The following FILIP1 variants were observed in gnomAD, a reference collection of about 807,000 sequenced individuals.
FILIP1 encodes filamin A interacting protein 1, also known as filamin-A-interacting protein 1.
In FILIP1, 61 loss-of-function variants were observed where a neutral mutation model predicts 102.1. That is an observed-to-expected ratio of 0.60 (90% CI 0.49 to 0.74). The LOEUF is 0.74. Ranked by LOEUF, FILIP1 falls within the 30% of genes least tolerant of loss-of-function variation. FILIP1 has a pLI of 0.00. For synonymous variants in FILIP1, 491 were observed against 526.9 expected, an observed-to-expected ratio of 0.93 and a Z score of 0.93; for missense variants, 1,314 against 1,441.2, an observed-to-expected ratio of 0.91 and a Z score of 1.43.
At chr6:75,353,498 A>G (rs761276068) in intron 4 of FILIP1, 41 bp downstream of exon 4, 1 of 1,607,934 alleles carries the variant, frequency 6.2e-7, no homozygotes, top group Non-Finnish European at 8.5e-7. Flanking sequence ...TGAAAGGGCT[A>G]TGGGCATCCA....
At position 75,353,690 on chromosome 6, in the gene FILIP1, C is replaced by T. The variant is rs1774891165; in HGVS notation, c.478G>A (p.Glu160Lys). Residue 160 changes from glutamate (E) to lysine (K), a missense_variant, in exon 4 of 6, where the codon GAA becomes AAA. Around this residue, in one of 3 missense-constraint regions of FILIP1, gnomAD observed 494 missense variants for 511.2 expected, o/e 0.97. Coordinates refer to ENST00000237172, the MANE Select transcript of FILIP1 (RefSeq NM_015687.5). ...ELDRLEEKQK[E>K]TYRRMLEQLL... ...TGCTCTAGCATGCGCCGGTAGGTTTCTTTCTGTTTTTCCTCAAGTCTGTCC... is the reference window on the plus strand; with the variant it reads ...TGCTCTAGCATGCGCCGGTAGGTTTTTTTCTGTTTTTCCTCAAGTCTGTCC... The T allele has an allele frequency of 6.2e-7, 1 of 1,613,864 alleles. No homozygotes were observed. Among genetic ancestry groups the T allele is most frequent in the Non-Finnish European group, 8.5e-7 (1 of 1,180,024 alleles).
chr6:75,297,248 T>G (rs887848573), intron 6 of FILIP1, among the ~76,000 whole-genome samples: 4 of 152,234 alleles, frequency 2.6e-5, no homozygotes, highest in African/African-American at 9.6e-5. Flanking sequence ...GTAGTTAGTA[T>G]ATAAGTAAAC....
At chr6:75,488,399 C>A (rs1005006149) in intron 1 of FILIP1, among the ~76,000 whole-genome samples, 1 of 151,630 alleles carries the variant, frequency 6.6e-6, no homozygotes, top group East Asian at 1.9e-4. Context: ...TGCCTGTAGC[C>A]TTTTCCCTTC....
intron 3 of FILIP1, 115 bp downstream of exon 3, chr6:75,362,629 G>A: frequency 1.2e-6 from 1 of 835,804 alleles, no homozygotes; most frequent in Non-Finnish European, 1.9e-6. Context: ...TTGTATATTA[G>A]TGTATCATCA....
chr6:75,308,999 AC>A, intron 5 of FILIP1, 102 bp from the exon 6 acceptor site: 1 of 1,257,456 alleles, frequency 8.0e-7, no homozygotes, highest in Non-Finnish European at 1.1e-6. Context: ...ACACAGGAAC[AC>A]CCACAGAAGA....
At chr6:75,299,834 T>G (rs747819003) in intron 6 of FILIP1, among the ~76,000 whole-genome samples, 3 of 152,208 alleles carry the variant, frequency 2.0e-5, no homozygotes, top group African/African-American at 4.8e-5. Context: ...CTGACCTTAC[T>G]AAATATTCAT....
intron 1 of FILIP1, among the ~76,000 whole-genome samples, chr6:75,437,163 C>T (rs1778054468): frequency 6.6e-6 from 1 of 152,200 alleles, no homozygotes; most frequent in African/African-American, 2.4e-5. Flanking sequence ...TTGCTGTGCC[C>T]GATAAGGATA....
intron 2 of FILIP1, among the ~76,000 whole-genome samples, chr6:75,371,633 A>G (rs1230847648): frequency 1.3e-5 from 2 of 152,204 alleles, no homozygotes; most frequent in Non-Finnish European, 1.5e-5. Flanking sequence ...ACATACGATC[A>G]ATGGAATGGA....
chr6:75,460,176 G>A (rs1048581292), intron 1 of FILIP1, among the ~76,000 whole-genome samples: 8 of 152,094 alleles, frequency 5.3e-5, no homozygotes, highest in African/African-American at 1.2e-4. Flanking sequence ...AATTTAGTGC[G>A]GTCTCCACAA....
chr6:75,423,788 T>G (rs1291459442), intron 1 of FILIP1, among the ~76,000 whole-genome samples: 1 of 152,094 alleles, frequency 6.6e-6, no homozygotes, highest in Non-Finnish European at 1.5e-5. Context: ...TTGACAACTT[T>G]TTGCTGGGAA....
chr6:75,488,728 C>T (rs1402240251), intron 1 of FILIP1, among the ~76,000 whole-genome samples: 5 of 152,106 alleles, frequency 3.3e-5, no homozygotes, highest in African/African-American at 4.8e-5. Flanking sequence ...TTATGTCCTG[C>T]ATAAGGTTTG....
intron 4 of FILIP1, among the ~76,000 whole-genome samples, chr6:75,330,348 T>A (rs187504436): frequency 2.0e-5 from 3 of 152,316 alleles, no homozygotes; most frequent in African/African-American, 7.2e-5. Context: ...AGCTTTGTTT[T>A]TGTTTTGTAT....
chr6:75,358,067 A>G (rs1458525699), intron 3 of FILIP1, among the ~76,000 whole-genome samples: 1 of 152,256 alleles, frequency 6.6e-6, no homozygotes, highest in Non-Finnish European at 1.5e-5. Context: ...AGATAATCAT[A>G]ACACCAAATG....
chr6:75,396,936 G>A (rs1247372665), intron 2 of FILIP1, among the ~76,000 whole-genome samples: 1 of 147,160 alleles, frequency 6.8e-6, no homozygotes, highest in South Asian at 2.1e-4. Context: ...GTCATGTTAC[G>A]TTCTCACTCA....
Position 75,313,053 on chromosome 6 carries a change from T to C in FILIP1, c.2779A>G (p.Ile927Val), listed in dbSNP as rs192211658. ...DHENSTATLE[I>V]TSPTSEEFFS... ...AATTCTTCAGATGTCGGGCTTGTTA[T>C]CTCCAAAGTCGCAGTGCTGTTCTCG... Residue 927 changes from isoleucine to valine, a missense_variant, in exon 5 of 6, where the codon ATA (isoleucine) becomes GTA (valine). Transcript: ENST00000237172. This position sits in a 1 kb window ranked among gnomAD's most constrained non-coding sequence, Gnocchi z 4.2. The C allele has an allele frequency of 4.5e-5, 72 of 1,614,220 alleles. No individual in the cohort carries two copies. The highest frequency in any genetic ancestry group is 5.1e-6 in the Non-Finnish European group (6 of 1,180,042).
At chr6:75,337,216 C>T (rs1774272090) in intron 4 of FILIP1, among the ~76,000 whole-genome samples, 1 of 152,214 alleles carries the variant, frequency 6.6e-6, no homozygotes, top group South Asian at 2.1e-4. Flanking sequence ...GTCCCCAGGT[C>T]GAGTCCTAAG....
Position 75,312,435 on chromosome 6 carries a change from G to A in FILIP1, c.3397C>T (p.Pro1133Ser). ...SKVTSTITIT[P>S]VTTSSARGTQ... ...CCTCGAGCAGATGACGTTGTGACCG[G>A]TGTTATGGTGATAGTGCTCGTCACT... Residue 1133 changes from proline to serine, a missense_variant, in exon 5 of 6, where the codon CCG becomes TCG. Transcript: ENST00000237172. 1 of 1,614,122 alleles carries A rather than the reference G, an allele frequency of 6.2e-7. No homozygotes were observed. The highest frequency in any genetic ancestry group is 8.5e-7 in the Non-Finnish European group (1 of 1,180,024).
chr6:75,397,492 G>GTC (rs1776501955), intron 2 of FILIP1, among the ~76,000 whole-genome samples: 1 of 146,008 alleles, frequency 6.8e-6, no homozygotes, highest in Admixed American at 6.9e-5. Context: ...ATATATATGT[G>GTC]TATATATATA....
At chr6:75,379,589 G>T (rs115037657) in intron 2 of FILIP1, among the ~76,000 whole-genome samples, 3 of 152,244 alleles carry the variant, frequency 2.0e-5, no homozygotes, top group African/African-American at 7.2e-5. Context: ...CCAGCAACAG[G>T]ACCCAAGTGT....
Sources: gnomAD v4.1 joint callset for allele counts (sites outside exome capture counted in the v4.1 genomes callset) on GRCh38, gnomAD v4.1.1 for gene constraint, gnomAD v4.1.1 regional missense constraint, Gnocchi (gnomAD v3.1) non-coding constraint, MANE v1.5 for transcripts, NCBI Gene and HGNC (gene_info 2026-07-23, HGNC 2026-07-21) for gene names.